The following TTC17 variants were observed in gnomAD, a reference collection of about 807,000 sequenced individuals.
TTC17 encodes tetratricopeptide repeat protein 17.
A neutral mutation model predicts 143.8 loss-of-function variants in TTC17; 58 were observed. The observed-to-expected ratio is 0.40, with a 90% CI of 0.33 to 0.50. TTC17 has a LOEUF of 0.50. Ranked by LOEUF, TTC17 falls within the 20% of genes least tolerant of loss-of-function variation. TTC17 has a pLI of 0.49. For synonymous variants in TTC17, 501 were observed against 497.8 expected (o/e 1.01, Z -0.09); for missense variants, 1,273 against 1,392.5 (o/e 0.91, Z 1.37).
At chr11:43,395,927 T>TG (rs1402021232) in intron 5 of TTC17, among the ~76,000 whole-genome samples, 2 of 152,160 alleles carry the variant, frequency 1.3e-5, no homozygotes, top group African/African-American at 4.8e-5. Flanking sequence ...GGATACATTT[T>TG]TAATAGTAGA....
intron 1 of TTC17, chr11:43,370,426 A>T (rs764156045): frequency 5.6e-6 from 1 of 179,606 alleles, no homozygotes; most frequent in Admixed American, 6.2e-5. Flanking sequence ...CATTTTTGAG[A>T]TGTTCTACCT....
At chr11:43,493,184 C>T (rs1948502655) in intron 23 of TTC17, among the ~76,000 whole-genome samples, 6 of 152,116 alleles carry the variant, frequency 3.9e-5, no homozygotes, top group Admixed American at 3.3e-4. Flanking sequence ...TAGAGTGTAA[C>T]TCTAAGTAAA....
intron 1 of TTC17, among the ~76,000 whole-genome samples, chr11:43,366,993 C>G (rs1293867085): frequency 6.6e-6 from 1 of 152,172 alleles, no homozygotes; most frequent in African/African-American, 2.4e-5. Flanking sequence ...TTTGAATAAG[C>G]TGTTCTATGT....
chr11:43,469,771 G>A (rs571476777), intron 21 of TTC17, among the ~76,000 whole-genome samples: 18 of 152,266 alleles, frequency 1.2e-4, no homozygotes, highest in African/African-American at 3.6e-4. Context: ...CTTAATTGTC[G>A]AAAGTGAATG....
intron 2 of TTC17, among the ~76,000 whole-genome samples, chr11:43,384,009 G>T (rs1032187384): frequency 3.9e-5 from 6 of 152,024 alleles, no homozygotes; most frequent in Admixed American, 2.0e-4. Flanking sequence ...GCTGGGCATG[G>T]TGGCAGGCAC....
At chr11:43,461,378 G>A (rs1238078159) in intron 21 of TTC17, among the ~76,000 whole-genome samples, 2 of 96,474 alleles carry the variant, frequency 2.1e-5, no homozygotes, top group Non-Finnish European at 3.7e-5. Flanking sequence ...GCGACAGAGC[G>A]AAACTCCGTC....
At chr11:43,459,796 A>G (rs1672725268) in intron 21 of TTC17, among the ~76,000 whole-genome samples, 1 of 152,202 alleles carries the variant, frequency 6.6e-6, no homozygotes, top group Non-Finnish European at 1.5e-5. Context: ...TATTTTTTAC[A>G]TTCAGTACAG....
At chr11:43,365,554 C>T (rs890288283) in intron 1 of TTC17, among the ~76,000 whole-genome samples, 2 of 152,210 alleles carry the variant, frequency 1.3e-5, no homozygotes, top group African/African-American at 4.8e-5. Flanking sequence ...AGGCATGAGC[C>T]GCCATGCCTG....
intron 1 of TTC17, among the ~76,000 whole-genome samples, chr11:43,368,216 T>A (rs1259292738): frequency 6.6e-6 from 1 of 152,204 alleles, no homozygotes; most frequent in Non-Finnish European, 1.5e-5. Flanking sequence ...GTTCACCAGA[T>A]GATCTTTTGC....
intron 21 of TTC17, among the ~76,000 whole-genome samples, chr11:43,473,835 A>G (rs1948134246): frequency 6.6e-6 from 1 of 151,020 alleles, no homozygotes; most frequent in South Asian, 2.1e-4. Context: ...GTGAGCCAAG[A>G]TTGCACCCCT....
chr11:43,471,129 G>A lies in TTC17; in HGVS notation c.3031-19110G>A, dbSNP rs1026051204. The stretch of plus-strand genomic sequence containing the variant: ...CCTGCACTATCAGAACATTCAGGAC[G>A]CGACTCAGGCTGCAGCTCAGAGGGC... On this transcript the variant is annotated intron_variant, in intron 21 of 23. Transcript: ENST00000039989. Among the ~76,000 whole-genome samples the A allele has an allele frequency of 5.9e-5, 9 of 152,292 alleles. No homozygotes were observed. The South Asian group carries it at 8.3e-4, about 14-fold the overall frequency.
chr11:43,493,715 A>G, intron 23 of TTC17, 58 bp from the exon 24 acceptor site: 1 of 1,612,366 alleles, frequency 6.2e-7, no homozygotes, highest in Non-Finnish European at 8.5e-7. Flanking sequence ...AAGAGGTCAC[A>G]GTATATATTT....
intron 16 of TTC17, among the ~76,000 whole-genome samples, chr11:43,431,769 C>T (rs1397421720): frequency 6.6e-6 from 1 of 152,246 alleles, no homozygotes. Context: ...AAGAGGATCA[C>T]TTGAGCCCAG....
At chr11:43,487,206 C>T (rs545537486) in intron 21 of TTC17, among the ~76,000 whole-genome samples, 60 of 152,100 alleles carry the variant, frequency 3.9e-4, no homozygotes, top group African/African-American at 1.3e-3. Flanking sequence ...AGTGTAGTGG[C>T]GCAATCTTGG....
At chr11:43,388,682 T>C (rs1857262167) in intron 2 of TTC17, among the ~76,000 whole-genome samples, 1 of 149,684 alleles carries the variant, frequency 6.7e-6, no homozygotes. Context: ...CTATAAAACA[T>C]AGAAAAGTTG....
chr11:43,370,093 C>T (rs1856504039), intron 1 of TTC17: 2 of 454,990 alleles, frequency 4.4e-6, no homozygotes, highest in Non-Finnish European at 8.8e-6. Context: ...AGCCAGGAGC[C>T]CATGCGTATC....
rs1948451481 is a variant in TTC17, at chr11:43,490,314, G to A, written c.3106G>A (p.Asp1036Asn). 13 of 1,612,728 alleles carry A rather than the reference G, an allele frequency of 8.1e-6. No individual in the cohort carries two copies. Among genetic ancestry groups the A allele is most frequent in the Non-Finnish European group, 1.0e-5 (12 of 1,179,242 alleles). The change falls in exon 22 of 24, where the codon GAC becomes AAC. Residue 1036 changes from aspartate to asparagine, a missense_variant. Physicochemically the swap from Asp to Asn is conservative, Grantham distance 23. Around this residue, in one of 3 missense-constraint regions of TTC17, gnomAD observed 878 missense variants for 899.8 expected, o/e 0.98. Coordinates refer to ENST00000039989, the MANE Select transcript of TTC17 (RefSeq NM_018259.6). The stretch of plus-strand genomic sequence containing the variant: ...GAAAGGCCAAGGAAAGAAGGCAATC[G>A]ACTGCCTCCGCCAGGCTCTGCACTA... ...RVKGQGKKAI[D>N]CLRQALHYAP...
intron 16 of TTC17, among the ~76,000 whole-genome samples, chr11:43,427,525 A>G (rs1014532016): frequency 6.6e-6 from 1 of 152,172 alleles, no homozygotes; most frequent in African/African-American, 2.4e-5. Flanking sequence ...TGCTAGTTTG[A>G]TGAGTTAGCA....
intron 16 of TTC17, among the ~76,000 whole-genome samples, chr11:43,433,590 T>C (rs1475649472): frequency 2.0e-5 from 3 of 152,186 alleles, no homozygotes; most frequent in Non-Finnish European, 2.9e-5. Flanking sequence ...TAATTTAGCT[T>C]CAGGGTCCCT....
Sources: gnomAD v4.1 joint callset for allele counts (sites outside exome capture counted in the v4.1 genomes callset) on GRCh38, gnomAD v4.1.1 for gene constraint, gnomAD v4.1.1 regional missense constraint, MANE v1.5 for transcripts, NCBI Gene and HGNC (gene_info 2026-07-23, HGNC 2026-07-21) for gene names.